The following THSD7A variants were observed in gnomAD, a reference collection of about 807,000 sequenced individuals.
THSD7A encodes thrombospondin type-1 domain-containing protein 7A.
In THSD7A, 96 loss-of-function variants were observed where a neutral mutation model predicts 231.3. The observed-to-expected ratio is 0.41, with a 90% confidence interval of 0.35 to 0.49. THSD7A has a LOEUF of 0.49. Ranked by LOEUF, THSD7A falls within the 20% of genes least tolerant of loss-of-function variation. THSD7A has a pLI of 0.05. For synonymous variants in THSD7A, 940 were observed against 743.3 expected (o/e 1.26, Z -4.30); for missense variants, 2,290 against 2,070.2 (o/e 1.11, Z -2.06).
intron 15 of THSD7A, 56 bp from the exon 16 acceptor site, chr7:11,424,885 A>G: frequency 6.2e-7 from 1 of 1,602,184 alleles, no homozygotes; most frequent in Non-Finnish European, 8.5e-7. Flanking sequence ...GTGAGGAGGA[A>G]GACTTCCACA....
intron 9 of THSD7A, among the ~76,000 whole-genome samples, chr7:11,469,372 G>T (rs1785842988): frequency 6.6e-6 from 1 of 152,042 alleles, no homozygotes; most frequent in South Asian, 2.1e-4. Flanking sequence ...GCCAAACTGG[G>T]AATAAATATT....
chr7:11,793,628 A>G (rs1784030140), intron 1 of THSD7A, among the ~76,000 whole-genome samples: 1 of 151,830 alleles, frequency 6.6e-6, no homozygotes, highest in Non-Finnish European at 1.5e-5. Flanking sequence ...AATAATTATA[A>G]AGGGAATATT....
intron 2 of THSD7A, among the ~76,000 whole-genome samples, chr7:11,621,537 T>G (rs963104548): frequency 6.6e-6 from 1 of 152,146 alleles, no homozygotes; most frequent in Non-Finnish European, 1.5e-5. Context: ...CTGATTTATC[T>G]TTTTTATTAT....
chr7:11,727,323 T>C (rs1583230558), intron 1 of THSD7A, among the ~76,000 whole-genome samples: 2 of 151,942 alleles, frequency 1.3e-5, no homozygotes, highest in South Asian at 4.1e-4. Context: ...TGTTCTTTTC[T>C]AGGCCATTTT....
intron 1 of THSD7A, among the ~76,000 whole-genome samples, chr7:11,648,754 C>T (rs1056310498): frequency 4.6e-5 from 7 of 151,628 alleles, no homozygotes; most frequent in African/African-American, 2.4e-5. Flanking sequence ...AGTGTCTGTG[C>T]TGCCACTTTT....
At chr7:11,441,988 A>G (rs1784820797) in intron 13 of THSD7A, among the ~76,000 whole-genome samples, 1 of 152,132 alleles carries the variant, frequency 6.6e-6, no homozygotes, top group Non-Finnish European at 1.5e-5. Context: ...TAATTTTAAA[A>G]AAAAGCATAA....
At chr7:11,694,586 G>A (rs148246575) in intron 1 of THSD7A, among the ~76,000 whole-genome samples, 2 of 151,410 alleles carry the variant, frequency 1.3e-5, no homozygotes, top group South Asian at 4.2e-4. Context: ...ATAAGGTAGT[G>A]GTGAAGCCTT....
intron 1 of THSD7A, among the ~76,000 whole-genome samples, chr7:11,711,348 G>T (rs997363300): frequency 6.6e-6 from 1 of 150,802 alleles, no homozygotes; most frequent in Non-Finnish European, 1.5e-5. Context: ...AGGCTCTGCC[G>T]ATTATTTGTT....
chr7:11,505,772 A>AT (rs1787519188), intron 6 of THSD7A, among the ~76,000 whole-genome samples: 1 of 152,182 alleles, frequency 6.6e-6, no homozygotes, highest in African/African-American at 2.4e-5. Flanking sequence ...TAACTGGGAT[A>AT]TGAAGCATGC....
intron 22 of THSD7A, among the ~76,000 whole-genome samples, chr7:11,404,317 G>A (rs2115364244): frequency 6.6e-6 from 1 of 152,258 alleles, no homozygotes; most frequent in African/African-American, 2.4e-5. Flanking sequence ...GCTGCAGAAA[G>A]TATAATGAAA....
At chr7:11,749,657 G>A (rs1411951959) in intron 1 of THSD7A, among the ~76,000 whole-genome samples, 1 of 151,986 alleles carries the variant, frequency 6.6e-6, no homozygotes, top group Non-Finnish European at 1.5e-5. Flanking sequence ...TGAGAAGATA[G>A]GTGGTCGTGA....
At chr7:11,724,087 A>T (rs979358147) in intron 1 of THSD7A, among the ~76,000 whole-genome samples, 1 of 151,934 alleles carries the variant, frequency 6.6e-6, no homozygotes, top group African/African-American at 2.4e-5. Context: ...GTGATTGGGG[A>T]TACATTTCAA....
chr7:11,818,010 G>C (rs1784761186), intron 1 of THSD7A, among the ~76,000 whole-genome samples: 4 of 152,176 alleles, frequency 2.6e-5, no homozygotes, highest in Admixed American at 1.3e-4. Flanking sequence ...GAATACAGTG[G>C]ACCTCTGTAA....
intron 1 of THSD7A, among the ~76,000 whole-genome samples, chr7:11,760,728 T>C (rs1782828302): frequency 6.6e-6 from 1 of 152,118 alleles, no homozygotes; most frequent in African/African-American, 2.4e-5. Flanking sequence ...GTTAATAATA[T>C]CAGCAAACAA....
intron 13 of THSD7A, among the ~76,000 whole-genome samples, chr7:11,434,239 C>T (rs1784562689): frequency 6.6e-6 from 1 of 151,982 alleles, no homozygotes; most frequent in Admixed American, 6.6e-5. Flanking sequence ...TCTGAGGATG[C>T]TAGGATAAAA....
chr7:11,581,737 T>C (rs1027175573), intron 4 of THSD7A, among the ~76,000 whole-genome samples: 92 of 152,212 alleles, frequency 6.0e-4, no homozygotes, highest in African/African-American at 2.1e-3. Context: ...TTCTATCAAA[T>C]GCCATTTAAT....
intron 7 of THSD7A, among the ~76,000 whole-genome samples, chr7:11,476,598 C>T (rs1027681704): frequency 6.6e-6 from 1 of 152,018 alleles, no homozygotes; most frequent in Non-Finnish European, 1.5e-5. Context: ...GGGCAGATTG[C>T]CTGAGCTCAG....
intron 6 of THSD7A, among the ~76,000 whole-genome samples, chr7:11,525,152 G>C (rs992529896): frequency 1.3e-5 from 2 of 152,132 alleles, no homozygotes; most frequent in South Asian, 2.1e-4. Flanking sequence ...ATTACACTGA[G>C]AACAAAGGTG....
chr7:11,397,177 A>G (rs574708713), intron 23 of THSD7A, among the ~76,000 whole-genome samples: 2 of 152,336 alleles, frequency 1.3e-5, no homozygotes, highest in South Asian at 4.1e-4. Context: ...CCACAGGGCT[A>G]CAGTAACCAA....
Sources: gnomAD v4.1 joint callset for allele counts (sites outside exome capture counted in the v4.1 genomes callset) on GRCh38, gnomAD v4.1.1 for gene constraint, MANE v1.5 for transcripts, NCBI Gene and HGNC (gene_info 2026-07-23, HGNC 2026-07-21) for gene names.